The following MROH2B variants were observed in gnomAD, a reference collection of about 807,000 sequenced individuals.
MROH2B encodes the protein maestro heat-like repeat-containing protein family member 2B.
Under a neutral mutation model 208.6 loss-of-function variants are expected in MROH2B, and 177 were observed. The ratio of observed to expected loss-of-function variants is 0.85; its 90% CI spans 0.75 to 0.96. The LOEUF is 0.96. Ranked by LOEUF, MROH2B falls within the 40% of genes least tolerant of loss-of-function variation. The pLI, the probability that MROH2B is intolerant of heterozygous loss-of-function variation, is 0.00. For synonymous variants in MROH2B, 728 were observed against 659.0 expected, an observed-to-expected ratio of 1.10 and a Z score of -1.60; for missense variants, 2,002 against 1,878.7, an observed-to-expected ratio of 1.07 and a Z score of -1.21.
intron 38 of MROH2B, 124 bp from the exon 39 acceptor site, chr5:41,000,475 C>A (rs1741356833): frequency 2.9e-6 from 4 of 1,369,320 alleles, no homozygotes; most frequent in African/African-American, 2.9e-5. Flanking sequence ...GCTTTATAGT[C>A]ATTGCTGGCA....
chr5:41,033,730 A>G lies in MROH2B; in HGVS notation c.2241+108T>C, dbSNP rs551416576. ...ATTGTTACATGTTGGAAACCTTTCA[A>G]TTGGAATCAAATCAAAAGGACATCT... On this transcript the variant is annotated intron_variant, in intron 22 of 41. Coordinates refer to ENST00000399564, the MANE Select transcript of MROH2B (RefSeq NM_173489.5). The G allele has an allele frequency of 5.0e-5, 45 of 900,388 alleles. No individual in the cohort carries two copies. The African/African-American group carries it at 6.0e-4, about 12-fold the overall frequency. The allele number at this position is 900,388 out of a possible 1,614,324, so 55.8% of individuals were successfully genotyped here.
At chr5:41,019,857 T>TAGTA (rs1397441607) in intron 24 of MROH2B, among the ~76,000 whole-genome samples, 1 of 152,236 alleles carries the variant, frequency 6.6e-6, no homozygotes, top group African/African-American at 2.4e-5. Context: ...AATTTATGTA[T>TAGTA]AGTAAGCTGC....
chr5:41,034,630 A>T (rs574275036), intron 21 of MROH2B, among the ~76,000 whole-genome samples: 1 of 150,204 alleles, frequency 6.7e-6, no homozygotes, highest in South Asian at 2.1e-4. Flanking sequence ...TTTGGGTAGC[A>T]TTTGTGTATT....
chr5:41,047,107 G>A (rs570379702), intron 17 of MROH2B, among the ~76,000 whole-genome samples: 1 of 152,184 alleles, frequency 6.6e-6, no homozygotes, highest in Admixed American at 6.5e-5. Flanking sequence ...CCCTGTCTGT[G>A]GGCTTCGTCC....
chr5:41,012,880 A>C (rs1741818685), intron 29 of MROH2B, 145 bp from the exon 30 acceptor site: 1 of 999,686 alleles, frequency 1.0e-6, no homozygotes. Flanking sequence ...AAACTAGAGA[A>C]AATACTAGAA....
At chr5:41,065,516 T>C in intron 3 of MROH2B, 26 bp from the exon 4 acceptor site, 4 of 1,605,454 alleles carry the variant, frequency 2.5e-6, no homozygotes, top group Non-Finnish European at 2.6e-6. Flanking sequence ...AAAATAACAA[T>C]AACAACTAGA....
Position 41,008,636 on chromosome 5 carries a change from C to G in MROH2B, c.3578G>C (p.Gly1193Ala). 6.2e-7 allele frequency: 1 copy of G among 1,613,914 alleles called. No homozygotes were observed. The highest frequency in any genetic ancestry group is 8.5e-7 in the Non-Finnish European group (1 of 1,179,846). The change falls in exon 33 of 42, where the codon GGA (glycine) becomes GCA (alanine). Residue 1193 changes from glycine to alanine, a missense_variant. By Grantham distance (60) the Gly-to-Ala change is moderately conservative. Coordinates refer to ENST00000399564, the MANE Select transcript of MROH2B (RefSeq NM_173489.5). ...WSHRRHVMQQ[G>A]EQQQIPDPCR... ...GGGGTCTGGGATCTGCTGCTGTTCT[C>G]CCTGCTGCATCACATGCCGCCTATG...
chr5:41,014,706 C>T (rs1276429787), intron 29 of MROH2B, among the ~76,000 whole-genome samples: 1 of 152,178 alleles, frequency 6.6e-6, no homozygotes, highest in Admixed American at 6.5e-5. Flanking sequence ...AGGGGCTTTG[C>T]ACTTGCTGTT....
At chr5:41,039,194 G>A (rs1469774107) in intron 20 of MROH2B, among the ~76,000 whole-genome samples, 2 of 152,090 alleles carry the variant, frequency 1.3e-5, no homozygotes, top group Non-Finnish European at 2.9e-5. Context: ...AGGGCCGAGT[G>A]GTTGGTAGAG....
chr5:41,038,563 T>C lies in MROH2B; in HGVS notation c.2214+173A>G, dbSNP rs552372271. ...TGTTGCTGCAAAACACGTTTTATTC[T>C]TTTTTATGGCTGCATAGTAATCCAC... On this transcript the variant is annotated intron_variant, in intron 21 of 41. Transcript: ENST00000399564. 4.6e-5 allele frequency among the ~76,000 whole-genome samples: 7 copies of C among 152,334 alleles called. No individual in the cohort carries two copies. In the East Asian group the frequency reaches 1.4e-3, roughly 29 times the overall value.
rs1457696748 is a variant in MROH2B, at chr5:41,004,786, C to G, written c.3999G>C (p.Gly1333=). The G allele has an allele frequency of 7.4e-6, 12 of 1,613,700 alleles. No individual in the cohort carries two copies. Among genetic ancestry groups the G allele is most frequent in the Non-Finnish European group, 1.0e-5 (12 of 1,179,824 alleles). The stretch of plus-strand genomic sequence containing the variant: ...AAACGCCTTTTACCTTGTGAGGAGC[C>G]CCGGATGCTGTGTTGCCGAGCCCTC... ...AIRGLGNTAS[G]APHKVKKHKQ... The change falls in exon 36 of 42, where the codon GGG becomes GGC. Residue 1333 remains glycine, a synonymous_variant. Coordinates refer to ENST00000399564, the MANE Select transcript of MROH2B (RefSeq NM_173489.5).
chr5:41,062,041 T>C (rs1370742338), intron 5 of MROH2B, among the ~76,000 whole-genome samples: 1 of 149,024 alleles, frequency 6.7e-6, no homozygotes, highest in Non-Finnish European at 1.5e-5. Context: ...GCAGAACTCT[T>C]TGGCACTATC....
chr5:41,068,345 G>A (rs972295882), intron 2 of MROH2B, among the ~76,000 whole-genome samples: 4 of 152,112 alleles, frequency 2.6e-5, no homozygotes, highest in Admixed American at 2.0e-4. Context: ...CTGTCTGCAG[G>A]CCTTGTTCTT....
intron 5 of MROH2B, among the ~76,000 whole-genome samples, chr5:41,062,156 C>T (rs865802205): frequency 3.9e-5 from 6 of 152,036 alleles, no homozygotes; most frequent in Non-Finnish European, 5.9e-5. Context: ...TACAAGAATG[C>T]GTTCATATTA....
intron 24 of MROH2B, among the ~76,000 whole-genome samples, chr5:41,026,704 A>G (rs942509717): frequency 1.3e-5 from 2 of 152,152 alleles, no homozygotes; most frequent in African/African-American, 4.8e-5. Flanking sequence ...GTTCATATGG[A>G]ACCAAAAAAG....
At chr5:41,043,921 C>G (rs170529) in intron 18 of MROH2B, among the ~76,000 whole-genome samples, 124,203 of 151,926 alleles carry the variant, frequency 0.82, 51,415 homozygotes, top group Non-Finnish European at 0.89. Context: ...AGAACAAGAA[C>G]AACAGAAATC....
rs1477350869 is a variant in MROH2B, at chr5:41,004,899, A to C, written c.3886T>G (p.Trp1296Gly). The C allele has an allele frequency of 3.1e-6, 5 of 1,613,928 alleles. No homozygotes were observed. Among genetic ancestry groups the C allele is most frequent in the South Asian group, 1.1e-5 (1 of 91,076 alleles). Residue 1296 changes from tryptophan to glycine, a missense_variant, in exon 36 of 42, where the codon TGG (tryptophan) becomes GGG (glycine). Transcript: ENST00000399564. ...FSELMKEPIL[W>G]KHGNLRNVLI... is the part of the protein sequence containing the mutation. ...ACATTTCGCAGATTCCCATGCTTCCAAAGGATTGGTTCCTTCATGAGCTGA... is the reference window on the plus strand; with the variant it reads ...ACATTTCGCAGATTCCCATGCTTCCCAAGGATTGGTTCCTTCATGAGCTGA...
rs1232923699 is a variant in MROH2B at position 41,038,832 on chromosome 5, T to C, written c.2118A>G (p.Gly706=). The C allele has an allele frequency of 1.2e-6, 2 of 1,613,566 alleles. No homozygotes were observed. The highest frequency in any genetic ancestry group is 1.7e-6 in the Non-Finnish European group (2 of 1,179,706). Residue 706 remains glycine, a synonymous_variant, in exon 21 of 42, where the codon GGA becomes GGG. Coordinates refer to ENST00000399564, the MANE Select transcript of MROH2B (RefSeq NM_173489.5). Reference sequence around the variant, plus strand: ...TCTTGGGAGCATGGAGGGCCACTGCTCCATAGATGACCATGACATCTGTCT... The same window carrying C: ...TCTTGGGAGCATGGAGGGCCACTGCCCCATAGATGACCATGACATCTGTCT... The part of the protein sequence containing the change: ...LTKTDVMVIY[G]AVALHAPKKQ...
intron 20 of MROH2B, 45 bp downstream of exon 20, chr5:41,039,403 C>G (rs1460402205): frequency 1.7e-6 from 2 of 1,162,098 alleles, no homozygotes; most frequent in Non-Finnish European, 1.2e-6. Flanking sequence ...TCAGGGTTGT[C>G]TGGCCTTGCA....
Sources: gnomAD v4.1 joint callset for allele counts (sites outside exome capture counted in the v4.1 genomes callset) on GRCh38, gnomAD v4.1.1 for gene constraint, MANE v1.5 for transcripts, NCBI Gene and HGNC (gene_info 2026-07-23, HGNC 2026-07-21) for gene names.